Variants in PIK3C2G observed in about 807,000 individuals in gnomAD.
The protein encoded by PIK3C2G is phosphatidylinositol-4-phosphate 3-kinase catalytic subunit type 2 gamma, also known as phosphatidylinositol 3-kinase C2 domain-containing subunit gamma.
A neutral mutation model predicts 181.1 loss-of-function variants in PIK3C2G; 168 were observed. That is an observed-to-expected ratio of 0.93 (90% CI 0.82 to 1.05). The LOEUF is 1.05. PIK3C2G is among the 50% of genes least tolerant of loss of function. The pLI, the probability that PIK3C2G is intolerant of heterozygous loss-of-function variation, is 0.00. For synonymous variants in PIK3C2G, 573 were observed against 592.2 expected, an observed-to-expected ratio of 0.97 and a Z score of 0.47; for missense variants, 1,869 against 1,732.8, an observed-to-expected ratio of 1.08 and a Z score of -1.40.
chr12:18,524,606 C>T (rs922784873), intron 24 of PIK3C2G, among the ~76,000 whole-genome samples: 14 of 150,586 alleles, frequency 9.3e-5, no homozygotes, highest in African/African-American at 3.4e-4. Flanking sequence ...AACCTTGTTG[C>T]CCAGGCTGAA....
intron 18 of PIK3C2G, among the ~76,000 whole-genome samples, chr12:18,430,185 G>A (rs568484989): frequency 4.6e-5 from 7 of 152,234 alleles, no homozygotes; most frequent in African/African-American, 1.7e-4. Flanking sequence ...ATTTAAATAT[G>A]TGTTTTTAGA....
At chr12:18,419,608 A>G (rs1451980579) in intron 16 of PIK3C2G, among the ~76,000 whole-genome samples, 2 of 152,170 alleles carry the variant, frequency 1.3e-5, no homozygotes, top group Non-Finnish European at 2.9e-5. Flanking sequence ...GACCTTTGCA[A>G]TACTTCACCA....
At chr12:18,666,300 G>A in the PIK3C2G span, among the ~76,000 whole-genome samples, 1 of 151,764 alleles carries the variant, frequency 6.6e-6, no homozygotes, top group African/African-American at 2.4e-5. Flanking sequence ...GGGCATATTT[G>A]GCAAAATGCA....
At chr12:18,353,687 G>A (rs995031524) in intron 11 of PIK3C2G, among the ~76,000 whole-genome samples, 3 of 152,120 alleles carry the variant, frequency 2.0e-5, no homozygotes, top group African/African-American at 7.2e-5. Context: ...TGTTCCCAGG[G>A]CCTGTTTCTG....
chr12:18,292,918 A>G (rs2137216933), intron 4 of PIK3C2G, among the ~76,000 whole-genome samples: 1 of 152,280 alleles, frequency 6.6e-6, no homozygotes, highest in Non-Finnish European at 1.5e-5. Context: ...GAGTAAACAG[A>G]TATTGTTTAA....
At chr12:18,695,198 A>G in the PIK3C2G span, 23 of 943,682 alleles carry the variant, frequency 2.4e-5, no homozygotes, top group Middle Eastern at 3.1e-4. Flanking sequence ...ATGAGCAAGT[A>G]TCATTAGCCT....
chr12:18,246,704 C>T (rs1188558037), upstream of PIK3C2G, among the ~76,000 whole-genome samples: 3 of 152,154 alleles, frequency 2.0e-5, no homozygotes, highest in East Asian at 5.8e-4. Flanking sequence ...ATTATGGGGG[C>T]ATCTGTGTTT....
At chr12:18,303,764 G>T (rs1405600995) in intron 5 of PIK3C2G, among the ~76,000 whole-genome samples, 2 of 152,080 alleles carry the variant, frequency 1.3e-5, no homozygotes, top group Non-Finnish European at 2.9e-5. Context: ...TCATTGCATT[G>T]TCAGTAGTAA....
chr12:18,651,723 C>A (rs1453920600), downstream of PIK3C2G, among the ~76,000 whole-genome samples: 1 of 152,164 alleles, frequency 6.6e-6, no homozygotes, highest in Non-Finnish European at 1.5e-5. Context: ...GTCAGACTCA[C>A]CACCAATGGG....
At chr12:18,604,481 G>C (rs1947904942) in intron 30 of PIK3C2G, among the ~76,000 whole-genome samples, 1 of 152,134 alleles carries the variant, frequency 6.6e-6, no homozygotes. Flanking sequence ...GCACTAGACA[G>C]GTCATCAAGA....
chr12:18,255,877 C>T (rs1465690791), intron 1 of PIK3C2G, among the ~76,000 whole-genome samples: 1 of 152,146 alleles, frequency 6.6e-6, no homozygotes, highest in Non-Finnish European at 1.5e-5. Flanking sequence ...AGATTTTTGA[C>T]CTCTTCTGCT....
chr12:18,690,812 T>C, the PIK3C2G span, among the ~76,000 whole-genome samples: 1 of 152,124 alleles, frequency 6.6e-6, no homozygotes, highest in African/African-American at 2.4e-5. Context: ...AGGTGAGTCA[T>C]GGTTAGAGAA....
chr12:18,373,378 C>T (rs990051037), intron 13 of PIK3C2G, among the ~76,000 whole-genome samples: 1 of 152,132 alleles, frequency 6.6e-6, no homozygotes, highest in African/African-American at 2.4e-5. Flanking sequence ...ACACATATAT[C>T]AACTGAAAAT....
chr12:18,539,274 T>G (rs2136243700), intron 25 of PIK3C2G, among the ~76,000 whole-genome samples: 1 of 152,058 alleles, frequency 6.6e-6, no homozygotes, highest in African/African-American at 2.4e-5. Context: ...CCTTGTAGAG[T>G]TAATGAATAA....
intron 5 of PIK3C2G, among the ~76,000 whole-genome samples, chr12:18,298,318 A>G (rs1950028055): frequency 6.7e-6 from 1 of 149,908 alleles, no homozygotes; most frequent in Admixed American, 6.6e-5. Flanking sequence ...GGCCATTTCT[A>G]TGTCTTCTTT....
chr12:18,678,265 T>C, the PIK3C2G span, among the ~76,000 whole-genome samples: 1 of 152,088 alleles, frequency 6.6e-6, no homozygotes, highest in African/African-American at 2.4e-5. Context: ...CTTTCATGCA[T>C]CATTTACACA....
At chr12:18,421,582 C>T (rs1423247137) in intron 17 of PIK3C2G, among the ~76,000 whole-genome samples, 5 of 151,776 alleles carry the variant, frequency 3.3e-5, no homozygotes, top group Admixed American at 6.6e-5. Context: ...AGTCTGAATA[C>T]GATGAAATAT....
At chr12:18,458,975 A>G (rs1289203772) in intron 18 of PIK3C2G, among the ~76,000 whole-genome samples, 1 of 152,134 alleles carries the variant, frequency 6.6e-6, no homozygotes, top group African/African-American at 2.4e-5. Context: ...CTTCAGATAA[A>G]TATGAGTCTG....
the PIK3C2G span, among the ~76,000 whole-genome samples, chr12:18,672,410 T>C: frequency 1.3e-5 from 2 of 152,238 alleles, no homozygotes; most frequent in Admixed American, 6.5e-5. Context: ...GTGTGATCTC[T>C]GATTATGTAA....
Sources: allele counts gnomAD v4.1 joint callset (sites outside exome capture counted in the v4.1 genomes callset), GRCh38; gene constraint gnomAD v4.1.1; transcripts MANE v1.5; gene names NCBI Gene and HGNC (gene_info 2026-07-23, HGNC 2026-07-21).